Variants in DSCAM observed in about 807,000 individuals in gnomAD.
The protein encoded by DSCAM is DS cell adhesion molecule, also known as cell adhesion molecule DSCAM.
Under a neutral mutation model 217.7 loss-of-function variants are expected in DSCAM, and 47 were observed. The ratio of observed to expected loss-of-function variants is 0.22; its 90% CI spans 0.17 to 0.28. DSCAM has a LOEUF of 0.28. Among genes scored for constraint, DSCAM ranks in the 10% least tolerant of loss-of-function variants. The probability of loss-of-function intolerance (pLI) is 1.00; values close to 1 mark genes in which losing one functional copy is unlikely to be tolerated. For synonymous variants in DSCAM, 1,056 were observed against 1,015.3 expected, an observed-to-expected ratio of 1.04 and a Z score of -0.76; for missense variants, 2,080 against 2,618.3, an observed-to-expected ratio of 0.79 and a Z score of 4.49.
At chr21:40,551,277 T>C (rs1270600168) in intron 3 of DSCAM, among the ~76,000 whole-genome samples, 1 of 152,088 alleles carries the variant, frequency 6.6e-6, no homozygotes, top group African/African-American at 2.4e-5. Flanking sequence ...TTGAAGTGGT[T>C]GGGGGTGTTG....
At chr21:40,785,553 C>T (rs148489610) in intron 1 of DSCAM, among the ~76,000 whole-genome samples, 6 of 152,358 alleles carry the variant, frequency 3.9e-5, no homozygotes, top group Admixed American at 1.3e-4. Context: ...GTAAGGCTTT[C>T]GTATGCTGCC....
intron 10 of DSCAM, among the ~76,000 whole-genome samples, chr21:40,290,821 T>C (rs1250207508): frequency 2.0e-5 from 3 of 152,158 alleles, no homozygotes; most frequent in African/African-American, 7.2e-5. Flanking sequence ...GGTTGGAATA[T>C]TCTTCACTAT....
At chr21:40,458,747 G>C (rs1411201593) in intron 3 of DSCAM, among the ~76,000 whole-genome samples, 1 of 151,944 alleles carries the variant, frequency 6.6e-6, no homozygotes, top group African/African-American at 2.4e-5. Context: ...GTAACCTAAG[G>C]ACAGATAATT....
intron 3 of DSCAM, among the ~76,000 whole-genome samples, chr21:40,527,993 A>G (rs1245365310): frequency 6.6e-6 from 1 of 152,174 alleles, no homozygotes; most frequent in Non-Finnish European, 1.5e-5. Context: ...GCCATCCATC[A>G]TCTCTGTGTC....
At chr21:40,778,804 C>G (rs2091512680) in intron 1 of DSCAM, among the ~76,000 whole-genome samples, 1 of 151,852 alleles carries the variant, frequency 6.6e-6, no homozygotes, top group Non-Finnish European at 1.5e-5. Context: ...GAGGGTGGAT[C>G]ATCTGAGGTC....
At chr21:40,374,564 G>A (rs927690683) in intron 3 of DSCAM, among the ~76,000 whole-genome samples, 2 of 152,214 alleles carry the variant, frequency 1.3e-5, no homozygotes, top group Non-Finnish European at 2.9e-5. Flanking sequence ...TGAGTCCATG[G>A]AGTATTTTTG....
At chr21:40,495,579 C>T (rs2076111652) in intron 3 of DSCAM, among the ~76,000 whole-genome samples, 2 of 152,084 alleles carry the variant, frequency 1.3e-5, no homozygotes, top group Admixed American at 1.3e-4. Flanking sequence ...TAACATTGTA[C>T]ACAATGATGA....
At chr21:40,801,972 G>A (rs2091745787) in intron 1 of DSCAM, among the ~76,000 whole-genome samples, 1 of 152,120 alleles carries the variant, frequency 6.6e-6, no homozygotes, top group Admixed American at 6.5e-5. Flanking sequence ...TCCTTACCAG[G>A]GTAATATCTA....
chr21:40,700,492 A>T (rs1028886314), intron 2 of DSCAM, among the ~76,000 whole-genome samples: 40 of 152,148 alleles, frequency 2.6e-4, no homozygotes, highest in Non-Finnish European at 5.9e-5. Context: ...TGTGAAACTC[A>T]CCTTGCATTA....
intron 3 of DSCAM, among the ~76,000 whole-genome samples, chr21:40,380,929 G>T (rs956028329): frequency 1.3e-5 from 2 of 152,002 alleles, no homozygotes; most frequent in East Asian, 3.9e-4. Flanking sequence ...CGGGCGTGGT[G>T]GCGGGCGCCT....
intron 3 of DSCAM, among the ~76,000 whole-genome samples, chr21:40,555,274 A>T (rs910856668): frequency 1.3e-5 from 2 of 152,182 alleles, no homozygotes; most frequent in Admixed American, 6.5e-5. Context: ...AGCACACGTG[A>T]TCTTGAGCAT....
intron 1 of DSCAM, among the ~76,000 whole-genome samples, chr21:40,724,762 T>C (rs1484403697): frequency 1.3e-5 from 2 of 152,162 alleles, no homozygotes; most frequent in Admixed American, 1.3e-4. Context: ...TGAAGTGAAA[T>C]GACAAAAAGA....
At chr21:40,836,968 T>C (rs117356779) in intron 1 of DSCAM, among the ~76,000 whole-genome samples, 2,585 of 152,314 alleles carry the variant, frequency 0.017, 34 homozygotes, top group South Asian at 0.037. Flanking sequence ...GGAAATGCAT[T>C]TCAGGAAACT....
chr21:40,767,574 G>A (rs1483257326), intron 1 of DSCAM, among the ~76,000 whole-genome samples: 1 of 152,166 alleles, frequency 6.6e-6, no homozygotes, highest in African/African-American at 2.4e-5. Flanking sequence ...GACCATGTGT[G>A]CTATTTATGT....
At chr21:40,738,877 C>G (rs1209435372) in intron 1 of DSCAM, among the ~76,000 whole-genome samples, 1 of 152,188 alleles carries the variant, frequency 6.6e-6, no homozygotes, top group Non-Finnish European at 1.5e-5. Flanking sequence ...CATCCCTCAG[C>G]AGGGGCGAGT....
intron 6 of DSCAM, among the ~76,000 whole-genome samples, chr21:40,339,890 G>A (rs2074472741): frequency 1.9e-5 from 1 of 52,358 alleles, no homozygotes; most frequent in African/African-American, 4.9e-5. Flanking sequence ...GTTATTTGGG[G>A]TTTTCTCACT....
intron 3 of DSCAM, among the ~76,000 whole-genome samples, chr21:40,434,925 G>A (rs2145903299): frequency 6.6e-6 from 1 of 152,232 alleles, no homozygotes; most frequent in Non-Finnish European, 1.5e-5. Flanking sequence ...TGTTTGTTGA[G>A]TGGGACAAGT....
chr21:40,298,601 G>A (rs1017186421), intron 9 of DSCAM, among the ~76,000 whole-genome samples: 2 of 151,988 alleles, frequency 1.3e-5, no homozygotes, highest in Non-Finnish European at 2.9e-5. Flanking sequence ...AAATATGGTA[G>A]AGATTATTTA....
chr21:40,028,174 C>T (rs1294041530), intron 32 of DSCAM, among the ~76,000 whole-genome samples: 2 of 99,730 alleles, frequency 2.0e-5, no homozygotes, highest in Non-Finnish European at 4.0e-5. Context: ...TTAGGCTGCT[C>T]GGGGGTCCGG....
Sources: allele counts gnomAD v4.1 joint callset (sites outside exome capture counted in the v4.1 genomes callset), GRCh38; gene constraint gnomAD v4.1.1; transcripts MANE v1.5; gene names NCBI Gene and HGNC (gene_info 2026-07-23, HGNC 2026-07-21).